Variants in BCAS3 observed in about 807,000 individuals in gnomAD.
BCAS3 encodes BCAS3 microtubule associated cell migration factor.
BCAS3 carries 53 observed loss-of-function variants against 116.1 expected under a neutral mutation model. The observed-to-expected ratio is 0.46, with a 90% CI of 0.37 to 0.57. The LOEUF (loss-of-function observed/expected upper bound fraction) is 0.57. Among genes scored for constraint, BCAS3 ranks in the 20% least tolerant of loss-of-function variants. BCAS3 has a pLI of 0.00. For synonymous variants in BCAS3, 391 were observed against 408.2 expected (o/e 0.96, Z 0.51); for missense variants, 917 against 1,165.4 (o/e 0.79, Z 3.10).
At position 60,961,117 on chromosome 17, in the gene BCAS3, A is replaced by G. The variant is rs1046727739; in HGVS notation, c.1221+13765A>G. The stretch of plus-strand genomic sequence containing the variant: ...GATATTCAAATACCAGAAGATCCAA[A>G]GGAAGTATTATTGAATGGTAAAATA... On this transcript the variant is annotated intron_variant, in intron 14 of 23. Coordinates refer to ENST00000407086, the MANE Select transcript of BCAS3 (RefSeq NM_017679.5). This position sits in a 1 kb window ranked among gnomAD's most constrained non-coding sequence, Gnocchi z 4.8. 6.6e-6 allele frequency among the ~76,000 whole-genome samples: 1 copy of G among 152,194 alleles called. No individual in the cohort carries two copies.
At chr17:61,236,432 G>A (rs2083063458) in intron 22 of BCAS3, among the ~76,000 whole-genome samples, 2 of 152,134 alleles carry the variant, frequency 1.3e-5, no homozygotes, top group African/African-American at 4.8e-5. Flanking sequence ...CAATTGTCCT[G>A]CCTCAGCCTC....
chr17:60,935,910 G>C (rs570411687), intron 13 of BCAS3, among the ~76,000 whole-genome samples: 1 of 151,670 alleles, frequency 6.6e-6, no homozygotes, highest in Non-Finnish European at 1.5e-5. Context: ...ACAACATGCA[G>C]GTTATTTACA....
intron 22 of BCAS3, among the ~76,000 whole-genome samples, chr17:61,321,519 C>T (rs1386177500): frequency 4.6e-5 from 7 of 152,160 alleles, no homozygotes; most frequent in Non-Finnish European, 8.8e-5. Context: ...TGATGTCGGG[C>T]GGTAAGAGGC....
At chr17:60,826,016 C>G (rs958373914) in intron 7 of BCAS3, among the ~76,000 whole-genome samples, 9 of 151,552 alleles carry the variant, frequency 5.9e-5, no homozygotes, top group African/African-American at 2.2e-4. Flanking sequence ...CGCCACCATG[C>G]CTGGCTAATT....
chr17:61,200,061 A>G lies in BCAS3; in HGVS notation c.2425+115497A>G, dbSNP rs2080732194. 6.6e-6 allele frequency among the ~76,000 whole-genome samples: 1 copy of G among 152,246 alleles called. No homozygotes were observed. Among genetic ancestry groups the G allele is most frequent in the Admixed American group, 6.5e-5 (1 of 15,290 alleles). On this transcript the variant is annotated intron_variant, in intron 22 of 23. Coordinates refer to ENST00000407086, the MANE Select transcript of BCAS3 (RefSeq NM_017679.5). This position sits in a 1 kb window ranked among gnomAD's most constrained non-coding sequence, Gnocchi z 5.1. ...GAATAATCCAAAAAGATGATTTTAA[A>G]TAGAAACATGCTTGGGAAAAATTTA... is the stretch of plus-strand genomic sequence containing the variant.
rs148975246 is a variant in BCAS3, at chr17:61,217,198, G to A, written c.2425+132634G>A. ...CTCAGGAGGCTGAGGCAGGAGAATCGCTTGAACCCAGGAGGCGGAGGTTGC... is the reference window on the plus strand; with the variant it reads ...CTCAGGAGGCTGAGGCAGGAGAATCACTTGAACCCAGGAGGCGGAGGTTGC... On this transcript the variant is annotated intron_variant, in intron 22 of 23. Coordinates refer to ENST00000407086, the MANE Select transcript of BCAS3 (RefSeq NM_017679.5). The surrounding 1 kb of genome is among the most constrained non-coding windows in gnomAD (Gnocchi z 5.2). Among the ~76,000 whole-genome samples the A allele has an allele frequency of 0.011, 1,748 of 152,148 alleles. 32 individuals carry two copies. The highest frequency in any genetic ancestry group is 0.039 in the African/African-American group (1,612 of 41,498).
At chr17:61,320,559 G>A (rs1408282802) in intron 22 of BCAS3, among the ~76,000 whole-genome samples, 3 of 151,788 alleles carry the variant, frequency 2.0e-5, no homozygotes, top group Non-Finnish European at 4.4e-5. Flanking sequence ...GCGGGCGCCT[G>A]TACCTGCTTG....
chr17:60,959,964 C>T (rs996178000), intron 14 of BCAS3, among the ~76,000 whole-genome samples: 1 of 152,164 alleles, frequency 6.6e-6, no homozygotes, highest in African/African-American at 2.4e-5. Flanking sequence ...GTCAGCTCCT[C>T]TTCTGTATTT....
intron 22 of BCAS3, among the ~76,000 whole-genome samples, chr17:61,351,535 T>C (rs376663217): frequency 6.6e-6 from 1 of 152,222 alleles, no homozygotes; most frequent in East Asian, 1.9e-4. Flanking sequence ...CTAGCAGTAT[T>C]ATTCCTCTTA....
chr17:60,859,312 C>T (rs750497172), intron 7 of BCAS3, among the ~76,000 whole-genome samples: 3 of 152,006 alleles, frequency 2.0e-5, no homozygotes, highest in Admixed American at 6.6e-5. Flanking sequence ...GCATAGTACC[C>T]GATAGGTAGT....
At chr17:61,201,851 C>T (rs1331434633) in intron 22 of BCAS3, among the ~76,000 whole-genome samples, 7 of 151,494 alleles carry the variant, frequency 4.6e-5, no homozygotes, top group South Asian at 2.1e-4. Context: ...CTCCGCCTCC[C>T]GGGTTCAAGT....
intron 22 of BCAS3, among the ~76,000 whole-genome samples, chr17:61,129,054 T>G (rs529443377): frequency 6.6e-6 from 1 of 152,258 alleles, no homozygotes; most frequent in South Asian, 2.1e-4. Context: ...GGAAACACTT[T>G]TGAAAGTGCT....
At chr17:61,062,899 A>G (rs190752708) in intron 19 of BCAS3, among the ~76,000 whole-genome samples, 1 of 152,330 alleles carries the variant, frequency 6.6e-6, no homozygotes, top group Non-Finnish European at 1.5e-5. Context: ...TAGATGCCTC[A>G]TGATTTCCCA....
At chr17:60,703,624 GACTT>G (rs1169789000) in intron 4 of BCAS3, among the ~76,000 whole-genome samples, 1 of 148,792 alleles carries the variant, frequency 6.7e-6, no homozygotes, top group African/African-American at 2.5e-5. Context: ...CTGTAAGAAA[GACTT>G]ACCTAGCCGG....
intron 22 of BCAS3, among the ~76,000 whole-genome samples, chr17:61,338,405 T>C (rs2056886381): frequency 6.6e-6 from 1 of 152,058 alleles, no homozygotes; most frequent in African/African-American, 2.4e-5. Flanking sequence ...AGTCGCTTTT[T>C]TTTTTCTTAT....
chr17:60,860,162 TA>T (rs2054037056), intron 7 of BCAS3, among the ~76,000 whole-genome samples: 1 of 152,200 alleles, frequency 6.6e-6, no homozygotes. Flanking sequence ...TAGCATCTAT[TA>T]TTTTTTGGCT....
intron 7 of BCAS3, among the ~76,000 whole-genome samples, chr17:60,859,997 A>G (rs1355492622): frequency 6.6e-6 from 1 of 152,230 alleles, no homozygotes; most frequent in Non-Finnish European, 1.5e-5. Context: ...AATGATTGAT[A>G]TTCCTTTGGA....
chr17:61,271,888 C>T (rs1188145758), intron 22 of BCAS3, among the ~76,000 whole-genome samples: 1 of 152,092 alleles, frequency 6.6e-6, no homozygotes, highest in African/African-American at 2.4e-5. Flanking sequence ...TACCTCACTG[C>T]AGCCTCACAC....
At position 61,139,362 on chromosome 17, in the gene BCAS3, CA is replaced by C. The variant is rs2076805339; in HGVS notation, c.2425+54801del. On this transcript the variant is annotated intron_variant, in intron 22 of 23. Transcript: ENST00000407086. The surrounding 1 kb of genome is among the most constrained non-coding windows in gnomAD (Gnocchi z 4.7). ...CTGTGATCTGGCCAAACGAGGTTCA[CA>C]AATGCTGTTTTCATATTTGTGGTTT... 6.6e-6 allele frequency among the ~76,000 whole-genome samples: 1 copy of C among 152,158 alleles called. No individual in the cohort carries two copies. Among genetic ancestry groups the C allele is most frequent in the Non-Finnish European group, 1.5e-5 (1 of 68,026 alleles).
Sources: allele counts gnomAD v4.1 joint callset (sites outside exome capture counted in the v4.1 genomes callset), GRCh38; gene constraint gnomAD v4.1.1; non-coding constraint Gnocchi (gnomAD v3.1); transcripts MANE v1.5; gene names NCBI Gene and HGNC (gene_info 2026-07-23, HGNC 2026-07-21).